The following MPP4 variants were observed in gnomAD, a reference collection of about 807,000 sequenced individuals.
MPP4 encodes the protein MAGUK p55 subfamily member 4.
A neutral mutation model predicts 98.3 loss-of-function variants in MPP4; 91 were observed. The ratio of observed to expected loss-of-function variants is 0.93; its 90% confidence interval spans 0.78 to 1.10. The LOEUF (loss-of-function observed/expected upper bound fraction) is 1.10, where lower values mean the gene tolerates loss of function less well. Among genes scored for constraint, MPP4 ranks in the 50% least tolerant of loss-of-function variants. MPP4 has a pLI of 0.00. For missense variants in MPP4, 744 were observed against 792.9 expected (o/e 0.94, Z 0.74); for synonymous variants, 261 against 271.8 (o/e 0.96, Z 0.39).
At chr2:201,646,657 G>A (rs965259934) in intron 21 of MPP4, 1 of 152,090 alleles carries the variant, frequency 6.6e-6, no homozygotes, top group South Asian at 2.1e-4. Flanking sequence ...GACCTCCATA[G>A]TCATTGCAAA....
At chr2:201,661,679 T>C (rs555698770) in intron 14 of MPP4, 1 of 448,452 alleles carries the variant, frequency 2.2e-6, no homozygotes, top group Admixed American at 2.4e-5. Context: ...CTAAGCACTT[T>C]ATTCATATAA....
intron 1 of MPP4, among the ~76,000 whole-genome samples, chr2:201,694,808 T>TG (rs1393487926): frequency 6.6e-6 from 1 of 151,660 alleles, no homozygotes; most frequent in Admixed American, 6.6e-5. Context: ...CTTGTAGAGA[T>TG]GGGGTCTCAC....
At chr2:201,693,068 G>A (rs376057490) in intron 2 of MPP4, 39 bp from the exon 3 acceptor site, 98 of 1,587,366 alleles carry the variant, frequency 6.2e-5, no homozygotes, top group South Asian at 2.4e-4. Context: ...TGGCAGGTGC[G>A]GGTGTAAATG....
At chr2:201,650,426 A>AAC (rs1166656442) in intron 18 of MPP4, 1 of 985,320 alleles carries the variant, frequency 1.0e-6, no homozygotes, top group Non-Finnish European at 1.2e-6. Context: ...GACCTAAGGG[A>AAC]ACACCTGTTA....
intron 18 of MPP4, chr2:201,651,238 G>A: frequency 1.0e-6 from 1 of 985,402 alleles, no homozygotes; most frequent in Non-Finnish European, 1.2e-6. Context: ...AATTATCAAA[G>A]GAGTTACCAA....
At chr2:201,682,785 T>C (rs1222157042) in intron 8 of MPP4, 46 bp downstream of exon 8, 6 of 1,549,780 alleles carry the variant, frequency 3.9e-6, no homozygotes, top group South Asian at 1.1e-5. Flanking sequence ...AGTTCAGCCT[T>C]GGCATTTCTC....
At chr2:201,656,096 C>T in intron 17 of MPP4, 102 bp downstream of exon 17, 2 of 1,269,380 alleles carry the variant, frequency 1.6e-6, no homozygotes, top group Non-Finnish European at 2.1e-6. Flanking sequence ...TATGGGGGTC[C>T]ATAAAGAGTT....
chr2:201,694,151 C>T (rs1689112271), intron 1 of MPP4, 97 bp from the exon 2 acceptor site: 1 of 1,214,628 alleles, frequency 8.2e-7, no homozygotes, highest in Non-Finnish European at 1.1e-6. Flanking sequence ...CCCTGTGGTG[C>T]CTACTCTTAA....
chr2:201,648,076 G>A (rs537963872), intron 20 of MPP4, among the ~76,000 whole-genome samples: 2 of 152,160 alleles, frequency 1.3e-5, no homozygotes, highest in East Asian at 1.9e-4. Flanking sequence ...AGGCTGGAGC[G>A]CAGGGGTGGG....
At position 201,677,744 on chromosome 2, in the gene MPP4, G is replaced by A. The variant is rs552403430; in HGVS notation, c.930-2473C>T. Among the ~76,000 whole-genome samples, 227 of 152,252 alleles carry A rather than the reference G, an allele frequency of 1.5e-3. 2 individuals are homozygous for A. In the Middle Eastern group the frequency reaches 0.027, roughly 18 times the overall value. On this transcript the variant is annotated intron_variant, in intron 10 of 21. Coordinates refer to ENST00000409474, the MANE Select transcript of MPP4 (RefSeq NM_033066.3). ...TCCTCAGAGAGGGGAGGGCAGAGCC[G>A]GGGAATCCGTATTTTACAAAATACC...
chr2:201,679,796 T>G (rs1362752603), intron 10 of MPP4, among the ~76,000 whole-genome samples: 1 of 152,222 alleles, frequency 6.6e-6, no homozygotes, highest in Non-Finnish European at 1.5e-5. Flanking sequence ...CATTCTGCTC[T>G]GCTTTTTCCC....
At chr2:201,673,961 G>A (rs1688422547) in intron 11 of MPP4, among the ~76,000 whole-genome samples, 1 of 152,190 alleles carries the variant, frequency 6.6e-6, no homozygotes, top group South Asian at 2.1e-4. Context: ...GCCTCGCTCA[G>A]TAGGCTCAGC....
At position 201,694,032 on chromosome 2, in the gene MPP4, A is replaced by C; in HGVS notation, c.-78T>G. On this transcript the variant is annotated 5_prime_UTR_variant, in exon 2 of 22. Coordinates refer to ENST00000409474, the MANE Select transcript of MPP4 (RefSeq NM_033066.3). ...CACGGCACACAGCTCACTCAGTCCC[A>C]CTGGCCACCAGCTCTCAGCACACTG... 1 of 1,612,740 alleles carries C rather than the reference A, an allele frequency of 6.2e-7. No individual in the cohort carries two copies. Among genetic ancestry groups the C allele is most frequent in the Non-Finnish European group, 8.5e-7 (1 of 1,179,386 alleles).
In MPP4 at chr2:201,656,320, C is replaced by G. The variant is rs776541345; in HGVS notation, c.1178G>C (p.Ser393Thr). The G allele has an allele frequency of 6.4e-7, 1 of 1,560,512 alleles. No individual in the cohort carries two copies. ...MRLCRRKSHLSPLHASVCCTG... is the reference protein window; with the variant it reads ...MRLCRRKSHLTPLHASVCCTG... ...GCAGCACACACTGGCATGCAGCGGG[C>G]TGAGGTGAGACTTCCTGCGACAAAG... Residue 393 changes from serine (S) to threonine (T), a missense_variant, in exon 17 of 22, where the codon AGC becomes ACC. Transcript: ENST00000409474.
chr2:201,693,633 T>C lies in MPP4; in HGVS notation c.79+243A>G, dbSNP rs142889523. 1.2e-3 allele frequency among the ~76,000 whole-genome samples: 177 copies of C among 152,348 alleles called. 3 individuals are homozygous for C. Among genetic ancestry groups the C allele is most frequent in the African/African-American group, 4.0e-3 (165 of 41,578 alleles). ...TGAACAACTTAAGAAGTTCTAAGTTTTACATAAAACATTGTCAGGTAAGGG... is the reference window on the plus strand; with the variant it reads ...TGAACAACTTAAGAAGTTCTAAGTTCTACATAAAACATTGTCAGGTAAGGG... On this transcript the variant is annotated intron_variant, in intron 2 of 21. Coordinates refer to ENST00000409474, the MANE Select transcript of MPP4 (RefSeq NM_033066.3).
At position 201,680,547 on chromosome 2, in the gene MPP4, T is replaced by C. The variant is rs1688636473; in HGVS notation, c.929+291A>G. On this transcript the variant is annotated intron_variant, in intron 10 of 21. Transcript: ENST00000409474. Reference sequence around the variant, plus strand: ...TTGCATTGGGGATTAGGTCTCAACATATGAATTTTGGAGAGGACACAAACA... The same window carrying C: ...TTGCATTGGGGATTAGGTCTCAACACATGAATTTTGGAGAGGACACAAACA... The C allele has an allele frequency of 1.9e-5, 6 of 312,114 alleles. No individual in the cohort carries two copies. The East Asian group carries it at 3.6e-4, about 19-fold the overall frequency. 19.3% of individuals were successfully genotyped at this position (312,114 alleles called of 1,614,324 possible).
Position 201,675,262 on chromosome 2 carries a change from C to G in MPP4, c.939G>C (p.Arg313=). The stretch of plus-strand genomic sequence containing the variant: ...GGTACGGCTGAGACCACCAGAATTC[C>G]CGTTGCTTCCTATGGGGGGGAAAAA... ...PSNHLLKRKQ[R]EFWWSQPYQP... is the part of the protein sequence containing the mutation. The change falls in exon 11 of 22, where the codon CGG becomes CGC. Residue 313 remains arginine (R), a synonymous_variant. Transcript: ENST00000409474. 6.2e-7 allele frequency: 1 copy of G among 1,608,610 alleles called. No individual in the cohort carries two copies. Among genetic ancestry groups the G allele is most frequent in the Non-Finnish European group, 8.5e-7 (1 of 1,177,704 alleles).
intron 18 of MPP4, 103 bp from the exon 19 acceptor site, chr2:201,650,268 A>G: frequency 2.1e-6 from 3 of 1,451,680 alleles, no homozygotes; most frequent in Non-Finnish European, 2.7e-6. Flanking sequence ...AAATGAATAT[A>G]TAATCAAGGA....
At chr2:201,686,586 C>G (rs1216603489) in intron 5 of MPP4, among the ~76,000 whole-genome samples, 1 of 152,110 alleles carries the variant, frequency 6.6e-6, no homozygotes, top group Non-Finnish European at 1.5e-5. Context: ...GACTAGTCCA[C>G]TAGGTTAAAT....
Sources: gnomAD v4.1 joint callset for allele counts (sites outside exome capture counted in the v4.1 genomes callset) on GRCh38, gnomAD v4.1.1 for gene constraint, MANE v1.5 for transcripts, NCBI Gene and HGNC (gene_info 2026-07-23, HGNC 2026-07-21) for gene names.